The following EIF4G3 variants were observed in gnomAD, a reference collection of about 807,000 sequenced individuals.
EIF4G3 encodes the protein eIF-4-gamma 3.
Under a neutral mutation model 186.4 loss-of-function variants are expected in EIF4G3, and 34 were observed. The ratio of observed to expected loss-of-function variants is 0.18; its 90% CI spans 0.14 to 0.24. The LOEUF (loss-of-function observed/expected upper bound fraction) is 0.24, where lower values mean the gene tolerates loss of function less well. Among genes scored for constraint, EIF4G3 ranks in the 10% least tolerant of loss-of-function variants. The pLI is 1.00. For missense variants in EIF4G3, 1,536 were observed against 1,948.5 expected, an observed-to-expected ratio of 0.79 and a Z score of 3.99; for synonymous variants, 673 against 679.5, an observed-to-expected ratio of 0.99 and a Z score of 0.15.
chr1:20,990,623 C>T (rs2080870595), intron 7 of EIF4G3, among the ~76,000 whole-genome samples: 1 of 151,456 alleles, frequency 6.6e-6, no homozygotes, highest in African/African-American at 2.4e-5. Context: ...GAGCTGAGAT[C>T]GCGCCACTGT....
chr1:20,833,908 C>G (rs1468235666), intron 30 of EIF4G3, among the ~76,000 whole-genome samples: 4 of 152,152 alleles, frequency 2.6e-5, no homozygotes, highest in Non-Finnish European at 4.4e-5. Context: ...GGGATGCCCT[C>G]TCTCACCACT....
At chr1:21,035,778 C>CT (rs2093145340) in intron 4 of EIF4G3, among the ~76,000 whole-genome samples, 1 of 152,152 alleles carries the variant, frequency 6.6e-6, no homozygotes, top group African/African-American at 2.4e-5. Flanking sequence ...GGGGCGAGTC[C>CT]TCAGTGAGGC....
intron 18 of EIF4G3, among the ~76,000 whole-genome samples, chr1:20,886,650 T>C (rs2084257624): frequency 6.6e-6 from 1 of 152,210 alleles, no homozygotes; most frequent in African/African-American, 2.4e-5. Context: ...AGTCCTAATT[T>C]AAGCTTATCT....
chr1:20,833,810 T>G (rs188828574), intron 30 of EIF4G3, among the ~76,000 whole-genome samples: 1 of 152,272 alleles, frequency 6.6e-6, no homozygotes, highest in East Asian at 1.9e-4. Flanking sequence ...TTCAACATAA[T>G]AAGAGCTATC....
At chr1:21,068,387 A>AAAAAAAAAAAAAC (rs2095331955) in intron 3 of EIF4G3, among the ~76,000 whole-genome samples, 1 of 149,148 alleles carries the variant, frequency 6.7e-6, no homozygotes, top group Non-Finnish European at 1.5e-5. Flanking sequence ...AAAAAAAAAA[A>AAAAAAAAAAAAAC]AAAAAAAAAA....
At chr1:21,005,743 A>G (rs1441138123) in intron 4 of EIF4G3, among the ~76,000 whole-genome samples, 1 of 152,168 alleles carries the variant, frequency 6.6e-6, no homozygotes, top group Non-Finnish European at 1.5e-5. Flanking sequence ...CTCTGTCAAC[A>G]ATGTTCCCAA....
At chr1:21,152,456 A>C (rs2097568739) in intron 2 of EIF4G3, among the ~76,000 whole-genome samples, 2 of 151,822 alleles carry the variant, frequency 1.3e-5, no homozygotes, top group South Asian at 4.1e-4. Context: ...TAACACTAAA[A>C]AAAAAAAACC....
intron 30 of EIF4G3, among the ~76,000 whole-genome samples, chr1:20,834,959 T>C (rs1005581455): frequency 2.0e-5 from 3 of 152,192 alleles, no homozygotes; most frequent in Non-Finnish European, 2.9e-5. Context: ...TTCTCCCCAA[T>C]AGATCATATG....
chr1:20,980,538 G>A, intron 9 of EIF4G3, 90 bp from the exon 10 acceptor site: 1 of 871,630 alleles, frequency 1.1e-6, no homozygotes, highest in Non-Finnish European at 1.7e-6. Context: ...GCTTACTACA[G>A]AAAGTAAAGT....
rs933575043 is a variant in EIF4G3 at position 21,155,680 on chromosome 1, G to T, written c.-272+20495C>A. Among the ~76,000 whole-genome samples, 3 of 152,144 alleles carry T rather than the reference G, an allele frequency of 2.0e-5. No individual in the cohort carries two copies. The East Asian group carries it at 5.8e-4, about 29-fold the overall frequency. ...CCACTGCACTCCACCCTGGGTGAAA[G>T]AGTGAAACTCCATCTAAAAAATAAA... On this transcript the variant is annotated intron_variant, in intron 2 of 36. Coordinates refer to ENST00000602326, the MANE Select transcript of EIF4G3 (RefSeq NM_001391906.1).
chr1:21,057,691 T>G (rs1009732419), intron 3 of EIF4G3, among the ~76,000 whole-genome samples: 3 of 152,110 alleles, frequency 2.0e-5, no homozygotes, highest in Admixed American at 6.5e-5. Context: ...CCACACCACC[T>G]ACCTCAAAAA....
intron 14 of EIF4G3, among the ~76,000 whole-genome samples, chr1:20,929,897 ATGCCTGTGTAGG>A (rs1338963681): frequency 6.6e-6 from 1 of 152,112 alleles, no homozygotes; most frequent in Non-Finnish European, 1.5e-5. Flanking sequence ...TTCAGATCCT[ATGCCTGTGTAGG>A]CACAGGCATA....
intron 12 of EIF4G3, among the ~76,000 whole-genome samples, chr1:20,957,140 G>C (rs2096450953): frequency 6.6e-6 from 1 of 152,126 alleles, no homozygotes; most frequent in African/African-American, 2.4e-5. Flanking sequence ...GCCAAGGTCA[G>C]AAATGATGAG....
At chr1:21,052,620 C>T (rs948730495) in intron 3 of EIF4G3, among the ~76,000 whole-genome samples, 4 of 152,054 alleles carry the variant, frequency 2.6e-5, no homozygotes, top group Non-Finnish European at 5.9e-5. Context: ...ACGGTCTCCC[C>T]CTGATGCCGA....
At chr1:20,962,884 T>G (rs1166203811) in intron 12 of EIF4G3, among the ~76,000 whole-genome samples, 1 of 151,504 alleles carries the variant, frequency 6.6e-6, no homozygotes, top group Non-Finnish European at 1.5e-5. Flanking sequence ...GAAGTTAGGA[T>G]GTAATATTGC....
At chr1:21,168,951 G>GC (rs763812440) in intron 2 of EIF4G3, among the ~76,000 whole-genome samples, 2 of 152,132 alleles carry the variant, frequency 1.3e-5, no homozygotes, top group African/African-American at 4.8e-5. Flanking sequence ...GCCAAGGTGA[G>GC]CAGGTGGCTT....
rs1387802137 is a variant in EIF4G3, at chr1:20,956,508, C to T, written c.715-6397G>A. Among the ~76,000 whole-genome samples the T allele has an allele frequency of 1.6e-4, 24 of 146,302 alleles. No homozygotes were observed. In the Admixed American group the frequency reaches 1.7e-3, roughly 10 times the overall value. ...AGCAGTGAAGGTGGTGGGAATGAGTCAAATGGGACTTGCTGATGTAATGAC... is the reference window on the plus strand; with the variant it reads ...AGCAGTGAAGGTGGTGGGAATGAGTTAAATGGGACTTGCTGATGTAATGAC... On this transcript the variant is annotated intron_variant, in intron 12 of 36. Transcript: ENST00000602326.
chr1:20,934,267 T>C (rs1235530835), intron 14 of EIF4G3, among the ~76,000 whole-genome samples: 4 of 152,182 alleles, frequency 2.6e-5, no homozygotes, highest in African/African-American at 9.7e-5. Context: ...GTTAGTTGAA[T>C]AGTGAAAAGA....
chr1:21,042,768 C>T (rs981777214), intron 4 of EIF4G3, among the ~76,000 whole-genome samples: 5 of 152,204 alleles, frequency 3.3e-5, no homozygotes, highest in African/African-American at 7.2e-5. Context: ...CCCCACAACA[C>T]GCTCTGAATC....
Sources: allele counts gnomAD v4.1 joint callset (sites outside exome capture counted in the v4.1 genomes callset), GRCh38; gene constraint gnomAD v4.1.1; transcripts MANE v1.5; gene names NCBI Gene and HGNC (gene_info 2026-07-23, HGNC 2026-07-21).